Variants in TEX11 observed in about 807,000 individuals in gnomAD.
The protein encoded by TEX11 is testis-expressed protein 11.
In TEX11, 7 loss-of-function variants were observed where a neutral mutation model predicts 84.4. The ratio of observed to expected loss-of-function variants is 0.08; its 90% CI spans 0.05 to 0.16. The LOEUF (loss-of-function observed/expected upper bound fraction) is 0.16. Among genes scored for constraint, TEX11 ranks in the 10% least tolerant of loss-of-function variants. The pLI, the probability that TEX11 is intolerant of heterozygous loss-of-function variation, is 1.00. For missense variants in TEX11, 551 were observed against 660.5 expected, an observed-to-expected ratio of 0.83 and a Z score of 1.82; for synonymous variants, 264 against 222.8, an observed-to-expected ratio of 1.18 and a Z score of -1.64.
At chrX:70,809,166 G>A (rs777260982) in intron 8 of TEX11, among the ~76,000 whole-genome samples, 1 of 112,080 alleles carries the variant, frequency 8.9e-6, no homozygotes, top group Admixed American at 9.5e-5. Context: ...CTTTAAGCAA[G>A]TGAAAGTGAT....
intron 17 of TEX11, among the ~76,000 whole-genome samples, chrX:70,639,778 T>C (rs1427804696): frequency 2.7e-5 from 3 of 110,965 alleles, no homozygotes; most frequent in Non-Finnish European, 5.7e-5. Flanking sequence ...TACATCACCA[T>C]CATCAAAGAC....
intron 11 of TEX11, 110 bp from the exon 12 acceptor site, chrX:70,725,453 G>A: frequency 4.7e-6 from 2 of 425,113 alleles, no homozygotes; most frequent in South Asian, 6.7e-5. Context: ...CATAATCAAA[G>A]GAAATCGAAA....
At chrX:70,599,071 T>A (rs1319931470) in intron 24 of TEX11, among the ~76,000 whole-genome samples, 1 of 111,835 alleles carries the variant, frequency 8.9e-6, no homozygotes, top group South Asian at 3.7e-4. Context: ...TCAATAAGTC[T>A]GTTAAAATAT....
chrX:70,873,160 G>A (rs2091638023), intron 4 of TEX11, 63 bp downstream of exon 4: 2 of 668,506 alleles, frequency 3.0e-6, no homozygotes, highest in South Asian at 5.5e-5. Flanking sequence ...TAAACTGCAG[G>A]AATACTACCC....
At chrX:70,891,109 C>A (rs1290547264) in intron 2 of TEX11, among the ~76,000 whole-genome samples, 1 of 112,237 alleles carries the variant, frequency 8.9e-6, no homozygotes, top group Non-Finnish European at 1.9e-5. Context: ...GGACCTCCAG[C>A]AAACTCCAAC....
chrX:70,797,658 T>C (rs1397621045), intron 9 of TEX11, among the ~76,000 whole-genome samples: 1 of 107,171 alleles, frequency 9.3e-6, no homozygotes, highest in African/African-American at 3.4e-5. Context: ...CACGATCAAC[T>C]AGGATTTATT....
chrX:70,751,523 A>G (rs1260855594), intron 9 of TEX11, among the ~76,000 whole-genome samples: 1 of 105,234 alleles, frequency 9.5e-6, no homozygotes, highest in African/African-American at 3.5e-5. Flanking sequence ...TAGGAGATAT[A>G]CCTAATGTTA....
chrX:70,838,770 C>T (rs903357891), intron 7 of TEX11, among the ~76,000 whole-genome samples: 4 of 112,035 alleles, frequency 3.6e-5, no homozygotes, highest in Non-Finnish European at 7.5e-5. Flanking sequence ...CCTGGAAAAT[C>T]GGGTCACTCC....
intron 25 of TEX11, among the ~76,000 whole-genome samples, chrX:70,580,345 T>TA (rs776693006): frequency 1.8e-5 from 2 of 111,866 alleles, no homozygotes; most frequent in South Asian, 7.5e-4. Context: ...GGGTAATGGG[T>TA]AAAAAATATA....
intron 17 of TEX11, among the ~76,000 whole-genome samples, chrX:70,645,132 G>C (rs1757340374): frequency 9.1e-6 from 1 of 109,778 alleles, no homozygotes; most frequent in Admixed American, 9.8e-5. Flanking sequence ...TGAATAAGGA[G>C]ATTAAATGAA....
intron 7 of TEX11, among the ~76,000 whole-genome samples, chrX:70,843,535 G>A (rs1438752005): frequency 9.0e-6 from 1 of 111,599 alleles, no homozygotes. Flanking sequence ...TACCATTCAG[G>A]ACATAGGCAT....
At chrX:70,753,102 G>A (rs1186840834) in intron 9 of TEX11, among the ~76,000 whole-genome samples, 2 of 106,602 alleles carry the variant, frequency 1.9e-5, no homozygotes, top group African/African-American at 6.9e-5. Context: ...ACTGTGGGTC[G>A]GTAAATGAAC....
Position 70,593,238 on chromosome X carries a change from A to G in TEX11, c.2068-1415T>C, listed in dbSNP as rs1385233549. 4.5e-5 allele frequency among the ~76,000 whole-genome samples: 5 copies of G among 111,803 alleles called. 1 individual carries two copies. The Admixed American group carries it at 4.7e-4, about 11-fold the overall frequency. On this transcript the variant is annotated intron_variant, in intron 24 of 29. Coordinates refer to ENST00000374333, the MANE Select transcript of TEX11 (RefSeq NM_031276.3). ...AAAGAACTCTCCTAAAATCACTGTC[A>G]TCCTTTACCAGAGGGAGGTATAAGC...
intron 9 of TEX11, among the ~76,000 whole-genome samples, chrX:70,753,744 C>G (rs752131485): frequency 1.9e-5 from 2 of 103,072 alleles, no homozygotes; most frequent in Non-Finnish European, 4.0e-5. Flanking sequence ...TCTTGCACTT[C>G]GAATACCAGC....
intron 14 of TEX11, among the ~76,000 whole-genome samples, chrX:70,682,459 A>G (rs191194438): frequency 8.9e-6 from 1 of 111,746 alleles, no homozygotes; most frequent in East Asian, 2.8e-4. Context: ...TCTGTTTTCA[A>G]TGATGGTTTC....
At chrX:70,607,301 AGCTGAGGCCAG>A (rs2089205721) in intron 22 of TEX11, among the ~76,000 whole-genome samples, 1 of 111,746 alleles carries the variant, frequency 8.9e-6, no homozygotes, top group Non-Finnish European at 1.9e-5. Flanking sequence ...AAGAATTCTT[AGCTGAGGCCAG>A]GCTTGGTGGC....
chrX:70,538,280 G>A (rs747326654), intron 28 of TEX11, among the ~76,000 whole-genome samples: 2 of 111,094 alleles, frequency 1.8e-5, no homozygotes, highest in African/African-American at 6.5e-5. Context: ...AAAGATTTGA[G>A]GGAAAGGGAG....
At chrX:70,866,179 A>T (rs185796182) in intron 4 of TEX11, among the ~76,000 whole-genome samples, 67 of 111,739 alleles carry the variant, frequency 6.0e-4, no homozygotes, top group African/African-American at 2.1e-3. Context: ...AGAAGAATCA[A>T]TTAGACAGTA....
intron 13 of TEX11, among the ~76,000 whole-genome samples, chrX:70,698,311 G>C (rs2090297656): frequency 9.0e-6 from 1 of 110,902 alleles, no homozygotes; most frequent in Non-Finnish European, 1.9e-5. Context: ...AGCAGATTGA[G>C]TACAGTTATT....
Sources: allele counts gnomAD v4.1 joint callset (sites outside exome capture counted in the v4.1 genomes callset), GRCh38; gene constraint gnomAD v4.1.1; transcripts MANE v1.5; gene names NCBI Gene and HGNC (gene_info 2026-07-23, HGNC 2026-07-21).